Variants in P4HA3 observed in about 807,000 individuals in gnomAD.
The protein encoded by P4HA3 is prolyl 4-hydroxylase subunit alpha-3.
P4HA3 carries 60 observed loss-of-function variants against 66.7 expected under a neutral mutation model. The observed-to-expected ratio is 0.90, with a 90% CI of 0.73 to 1.12. The LOEUF is 1.12. P4HA3 is among the 50% of genes most tolerant of loss of function. The pLI is 0.00. For missense variants in P4HA3, 683 were observed against 685.8 expected, an observed-to-expected ratio of 1.00 and a Z score of 0.05; for synonymous variants, 263 against 274.6, an observed-to-expected ratio of 0.96 and a Z score of 0.42.
intron 4 of P4HA3, among the ~76,000 whole-genome samples, chr11:74,292,754 T>C (rs1211083798): frequency 1.3e-5 from 2 of 152,146 alleles, no homozygotes; most frequent in African/African-American, 4.8e-5. Context: ...AGTTGAGCGG[T>C]TTTGAGTGAG....
rs1861359020 is a variant in P4HA3, at chr11:74,300,093, C to A, written c.568-1732G>T. Among the ~76,000 whole-genome samples, 3 of 152,118 alleles carry A rather than the reference C, an allele frequency of 2.0e-5. No homozygotes were observed. The South Asian group carries it at 6.2e-4, about 32-fold the overall frequency. On this transcript the variant is annotated intron_variant, in intron 3 of 12. Transcript: ENST00000331597. ...CAATATTCATATGGTCAAGGAACTC[C>A]TATGTCAATAAATAAATATAAAAAT... is the stretch of plus-strand genomic sequence containing the variant.
At chr11:74,298,392 C>G in intron 3 of P4HA3, 31 bp from the exon 4 acceptor site, 3 of 1,592,252 alleles carry the variant, frequency 1.9e-6, no homozygotes, top group Non-Finnish European at 2.6e-6. Flanking sequence ...ATCGCCAAAG[C>G]CTTATTCCAC....
intron 7 of P4HA3, among the ~76,000 whole-genome samples, chr11:74,282,187 T>C (rs2848559): frequency 0.63 from 95,095 of 150,582 alleles, 31,798 homozygotes; most frequent in African/African-American, 0.88. Context: ...AATTAAGGAG[T>C]CACCTTATAT....
intron 3 of P4HA3, among the ~76,000 whole-genome samples, chr11:74,302,042 T>C (rs1040225431): frequency 1.3e-5 from 2 of 152,200 alleles, no homozygotes; most frequent in Non-Finnish European, 2.9e-5. Flanking sequence ...TCCTAGTTCA[T>C]GTCTGTTGTT....
intron 4 of P4HA3, among the ~76,000 whole-genome samples, chr11:74,297,641 T>C (rs543408498): frequency 3.9e-4 from 60 of 152,238 alleles, no homozygotes; most frequent in African/African-American, 1.4e-3. Flanking sequence ...AGTAAGTAGA[T>C]CAACAGTGCC....
intron 15 of P4HA3, among the ~76,000 whole-genome samples, chr11:74,255,282 A>C (rs1387648920): frequency 6.6e-6 from 1 of 152,156 alleles, no homozygotes. Flanking sequence ...TCTACCACCA[A>C]ATCCTGTTCA....
intron 4 of P4HA3, among the ~76,000 whole-genome samples, chr11:74,291,406 C>T (rs1861018858): frequency 1.3e-5 from 2 of 152,190 alleles, no homozygotes; most frequent in Admixed American, 6.5e-5. Flanking sequence ...GACAATTTGA[C>T]TTCCTCTTTT....
chr11:74,288,848 C>G (rs533540690), intron 5 of P4HA3, among the ~76,000 whole-genome samples: 1 of 149,136 alleles, frequency 6.7e-6, no homozygotes, highest in Non-Finnish European at 1.5e-5. Flanking sequence ...ACTCGGGAGG[C>G]TGAGGCAGGA....
rs1861741189 is a variant in P4HA3, at chr11:74,311,396, C to T, written c.200+16G>A. ...CACTGAGGCCCCTCGGTCGCTCCCACTCGTCGTGCCCTCACCTAGTCAGGT... is the reference window on the plus strand; with the variant it reads ...CACTGAGGCCCCTCGGTCGCTCCCATTCGTCGTGCCCTCACCTAGTCAGGT... On this transcript the variant is annotated intron_variant, in intron 1 of 12. Transcript: ENST00000331597. 2 of 1,488,192 alleles carry T rather than the reference C, an allele frequency of 1.3e-6. No homozygotes were observed. The highest frequency in any genetic ancestry group is 1.8e-6 in the Non-Finnish European group (2 of 1,126,820). 92.2% of individuals were successfully genotyped at this position (1,488,192 alleles called of 1,614,324 possible). A position where few individuals can be genotyped will look rare whatever the true frequency, so the allele number is the denominator to read the frequency against.
At chr11:74,274,013 G>A (rs1038538782) in intron 9 of P4HA3, among the ~76,000 whole-genome samples, 1 of 147,550 alleles carries the variant, frequency 6.8e-6, no homozygotes. Flanking sequence ...TTTTTTTTTT[G>A]TCATGGAACA....
intron 1 of P4HA3, among the ~76,000 whole-genome samples, chr11:74,307,176 A>G (rs1316319873): frequency 6.6e-6 from 1 of 152,212 alleles, no homozygotes; most frequent in Admixed American, 6.5e-5. Flanking sequence ...TTCCTCATCC[A>G]TAAAATGAAG....
intron 11 of P4HA3, among the ~76,000 whole-genome samples, chr11:74,269,264 G>C (rs899272686): frequency 5.3e-5 from 8 of 152,076 alleles, no homozygotes; most frequent in African/African-American, 1.9e-4. Context: ...CTGGATCAAA[G>C]GGCTATGAAT....
intron 15 of P4HA3, among the ~76,000 whole-genome samples, chr11:74,257,376 C>T (rs1331443836): frequency 6.6e-6 from 1 of 152,180 alleles, no homozygotes; most frequent in African/African-American, 2.4e-5. Context: ...CTGCCCGCCT[C>T]AGCTTCCCAA....
chr11:74,289,358 C>T (rs944289307), intron 4 of P4HA3, among the ~76,000 whole-genome samples: 5 of 152,218 alleles, frequency 3.3e-5, no homozygotes, highest in African/African-American at 1.2e-4. Context: ...CCACCCTTAC[C>T]GGGCAAGGTA....
rs374537815 is a variant in P4HA3, at chr11:74,286,321, G to T, written c.840C>A (p.His280Gln). The T allele has an allele frequency of 7.5e-6, 12 of 1,608,262 alleles. No individual in the cohort carries two copies. The African/African-American group carries it at 1.2e-4, about 16-fold the overall frequency. ...YERLLAESPN[H>Q]VVAEAVIQRP... is the part of the protein sequence containing the mutation. ...TCTGGATGACAGCCTCAGCTACCAC[G>T]TGGTTGGGGCTCTCTGCCAAGAGCC... is the stretch of plus-strand genomic sequence containing the variant. Residue 280 changes from histidine (H) to glutamine (Q), a missense_variant, in exon 6 of 13, where the codon CAC (histidine) becomes CAA (glutamine). Transcript: ENST00000331597.
chr11:74,257,390 G>T (rs1591079166), intron 15 of P4HA3, among the ~76,000 whole-genome samples: 2 of 152,184 alleles, frequency 1.3e-5, no homozygotes, highest in African/African-American at 4.8e-5. Flanking sequence ...TTCCCAAAGT[G>T]CTGGGATTAT....
intron 7 of P4HA3, among the ~76,000 whole-genome samples, chr11:74,284,552 T>A (rs1274750606): frequency 6.6e-6 from 1 of 152,174 alleles, no homozygotes; most frequent in African/African-American, 2.4e-5. Flanking sequence ...TGATTGTAAT[T>A]TAATTATAAT....
intron 4 of P4HA3, among the ~76,000 whole-genome samples, chr11:74,295,425 T>C (rs1861183287): frequency 6.6e-6 from 1 of 152,170 alleles, no homozygotes; most frequent in Non-Finnish European, 1.5e-5. Context: ...TGCTGCCAAA[T>C]GATGATTAAC....
intron 1 of P4HA3, among the ~76,000 whole-genome samples, chr11:74,308,860 A>T (rs1311655158): frequency 1.3e-5 from 2 of 152,224 alleles, no homozygotes; most frequent in Non-Finnish European, 2.9e-5. Flanking sequence ...TGGTACTCTT[A>T]ATCCTTCCAA....
Sources: allele counts gnomAD v4.1 joint callset (sites outside exome capture counted in the v4.1 genomes callset), GRCh38; gene constraint gnomAD v4.1.1; transcripts MANE v1.5; gene names NCBI Gene and HGNC (gene_info 2026-07-23, HGNC 2026-07-21).